The following ANKEF1 variants were observed in gnomAD, a reference collection of about 807,000 sequenced individuals.
ANKEF1 encodes the protein ankyrin repeat and EF-hand domain containing 1.
A neutral mutation model predicts 65.1 loss-of-function variants in ANKEF1; 43 were observed. The observed-to-expected ratio is 0.66, with a 90% CI of 0.52 to 0.85. The LOEUF (loss-of-function observed/expected upper bound fraction) is 0.85, where lower values mean the gene tolerates loss of function less well. Ranked by LOEUF, ANKEF1 falls within the 40% of genes least tolerant of loss-of-function variation. ANKEF1 has a pLI of 0.00. For synonymous variants in ANKEF1, 316 were observed against 341.5 expected (o/e 0.93, Z 0.82); for missense variants, 934 against 952.9 (o/e 0.98, Z 0.26).
chr20:10,044,766 T>A (rs1984411493), intron 5 of ANKEF1, among the ~76,000 whole-genome samples: 1 of 152,208 alleles, frequency 6.6e-6, no homozygotes, highest in South Asian at 2.1e-4. Flanking sequence ...TTTAATATTA[T>A]TCATAGTATT....
At chr20:10,042,591 A>G (rs1984253673) in intron 3 of ANKEF1, among the ~76,000 whole-genome samples, 2 of 152,246 alleles carry the variant, frequency 1.3e-5, no homozygotes, top group South Asian at 4.1e-4. Flanking sequence ...ACGGAACAAA[A>G]TGATTTGCTA....
chr20:10,054,867 G>A (rs1158705411), intron 10 of ANKEF1, among the ~76,000 whole-genome samples: 1 of 152,152 alleles, frequency 6.6e-6, no homozygotes, highest in Non-Finnish European at 1.5e-5. Flanking sequence ...TCAATGGCAT[G>A]ATCTGCAGCT....
At position 10,049,415 on chromosome 20, in the gene ANKEF1, A is replaced by G. The variant is rs1217416170; in HGVS notation, c.846A>G (p.Leu282=). ...QRGCDLKWKN[L]DHKTPRAVAK... ...GATGTGACCTGAAATGGAAGAATTT[A>G]GATCATAAAACGCCCAGGGCTGTGG... is the stretch of plus-strand genomic sequence containing the variant. Residue 282 remains leucine, a synonymous_variant, in exon 7 of 11, where the codon TTA becomes TTG. Coordinates refer to ENST00000378392, the MANE Select transcript of ANKEF1 (RefSeq NM_022096.6). The G allele has an allele frequency of 6.2e-7, 1 of 1,612,024 alleles. No individual in the cohort carries two copies. The highest frequency in any genetic ancestry group is 8.5e-7 in the Non-Finnish European group (1 of 1,179,416).
In ANKEF1 at chr20:10,043,279, G is replaced by A; in HGVS notation, c.504G>A (p.Leu168=). The A allele has an allele frequency of 6.2e-7, 1 of 1,614,110 alleles. No homozygotes were observed. Among genetic ancestry groups the A allele is most frequent in the Non-Finnish European group, 8.5e-7 (1 of 1,180,012 alleles). ...EDAHDVKDVC[L]TFLEKGANPN... is the part of the protein sequence containing the mutation. ...CACATGATGTTAAAGATGTGTGCCTGACATTTTTGGAAAAAGGAGCCAATC... is the reference window on the plus strand; with the variant it reads ...CACATGATGTTAAAGATGTGTGCCTAACATTTTTGGAAAAAGGAGCCAATC... Residue 168 remains leucine, a synonymous_variant, in exon 4 of 11, where the codon CTG becomes CTA. Transcript: ENST00000378392.
chr20:10,038,717 C>G (rs1484028200), intron 3 of ANKEF1, 70 bp downstream of exon 3: 4 of 1,245,642 alleles, frequency 3.2e-6, no homozygotes, highest in Non-Finnish European at 4.4e-6. Flanking sequence ...AACATGGACT[C>G]TTTTTGTTTT....
In ANKEF1 at chr20:10,055,669, A is replaced by G. The variant is rs1169881796; in HGVS notation, c.*9A>G. The stretch of plus-strand genomic sequence containing the variant: ...CTGCCTTGAAGACCTAAGTCATAGC[A>G]GTTATTTCTTGGGGTAAATGCTTTG... On this transcript the variant is annotated 3_prime_UTR_variant, in exon 11 of 11. Coordinates refer to ENST00000378392, the MANE Select transcript of ANKEF1 (RefSeq NM_022096.6). The G allele has an allele frequency of 1.2e-6, 2 of 1,613,520 alleles. No homozygotes were observed. The highest frequency in any genetic ancestry group is 3.3e-5 in the Admixed American group (2 of 59,972).
intron 4 of ANKEF1, 40 bp from the exon 5 acceptor site, chr20:10,044,354 G>T: frequency 6.2e-7 from 1 of 1,604,546 alleles, no homozygotes; most frequent in African/African-American, 1.3e-5. Flanking sequence ...TAATATGATG[G>T]GTATAAACAG....
At chr20:10,051,050 G>C (rs923679615) in intron 7 of ANKEF1, among the ~76,000 whole-genome samples, 10 of 152,096 alleles carry the variant, frequency 6.6e-5, no homozygotes, top group African/African-American at 2.4e-4. Flanking sequence ...TTGTGCCTCA[G>C]TTCTGTCATG....
At chr20:10,036,201 C>A (rs1279069196) in intron 2 of ANKEF1, among the ~76,000 whole-genome samples, 4 of 152,218 alleles carry the variant, frequency 2.6e-5, no homozygotes, top group African/African-American at 9.6e-5. Context: ...CATGGACCTA[C>A]TGAATTCATC....
chr20:10,051,280 A>T (rs1984842315), intron 7 of ANKEF1, among the ~76,000 whole-genome samples: 2 of 152,228 alleles, frequency 1.3e-5, no homozygotes, highest in Admixed American at 1.3e-4. Context: ...TCTAAAAAGG[A>T]CTAAAATGTT....
chr20:10,054,406 A>G (rs1382567064), intron 9 of ANKEF1, 56 bp from the exon 10 acceptor site: 2 of 1,370,452 alleles, frequency 1.5e-6, no homozygotes, highest in Non-Finnish European at 1.9e-6. Flanking sequence ...AGCAAATAAT[A>G]TTAGAAAATC....
intron 2 of ANKEF1, among the ~76,000 whole-genome samples, chr20:10,036,085 G>C (rs567147570): frequency 6.6e-6 from 1 of 152,282 alleles, no homozygotes; most frequent in East Asian, 1.9e-4. Flanking sequence ...GTGAGCTCTT[G>C]GTCAGTCTTA....
At chr20:10,044,324 T>C in intron 4 of ANKEF1, 70 bp from the exon 5 acceptor site, 1 of 1,539,332 alleles carries the variant, frequency 6.5e-7, no homozygotes, top group Non-Finnish European at 8.9e-7. Context: ...TCAGACTGTA[T>C]TTGTACTGAT....
chr20:10,055,429 T>C lies in ANKEF1; in HGVS notation c.2173-73T>C, dbSNP rs560448138. The C allele has an allele frequency of 6.3e-4, 854 of 1,346,444 alleles. 11 individuals are homozygous for C. In the South Asian group the frequency reaches 0.01, roughly 16 times the overall value. The allele number at this position is 1,346,444 out of a possible 1,614,324, so 83.4% of individuals were successfully genotyped here. A position where few individuals can be genotyped will look rare whatever the true frequency, so the allele number is the denominator to read the frequency against. ...TTAAGTTAAAACTGTGTATTGAAAA[T>C]TGTCTGGATATTAGCATATTTACTG... On this transcript the variant is annotated intron_variant, in intron 10 of 10. Coordinates refer to ENST00000378392, the MANE Select transcript of ANKEF1 (RefSeq NM_022096.6).
At chr20:10,040,015 T>G (rs1410632237) in intron 3 of ANKEF1, among the ~76,000 whole-genome samples, 1 of 151,986 alleles carries the variant, frequency 6.6e-6, no homozygotes, top group Non-Finnish European at 1.5e-5. Context: ...TTTTAAAAAA[T>G]CAAGGTAAAA....
At chr20:10,045,143 A>T (rs1984437220) in intron 5 of ANKEF1, among the ~76,000 whole-genome samples, 1 of 152,238 alleles carries the variant, frequency 6.6e-6, no homozygotes, top group African/African-American at 2.4e-5. Context: ...CGTGCAATAA[A>T]AGTATACACA....
Position 10,054,589 on chromosome 20 carries a change from T to C in ANKEF1, c.2162T>C (p.Ile721Thr). The C allele has an allele frequency of 6.2e-7, 1 of 1,607,164 alleles. No individual in the cohort carries two copies. Among genetic ancestry groups the C allele is most frequent in the Non-Finnish European group, 8.5e-7 (1 of 1,177,740 alleles). The change falls in exon 10 of 11, where the codon ATT becomes ACT. Residue 721 changes from isoleucine to threonine, a missense_variant. By Grantham distance (89) the Ile-to-Thr change is moderately conservative. Coordinates refer to ENST00000378392, the MANE Select transcript of ANKEF1 (RefSeq NM_022096.6). Reference protein sequence around the residue: ...GYTKKVDITFIPRRIWSPEAT... With the variant: ...GYTKKVDITFTPRRIWSPEAT... ...ACTAAGAAAGTGGATATCACATTTA[T>C]TCCACGGAGGGTAAGTGCTTCGAAA...
intron 7 of ANKEF1, 130 bp from the exon 8 acceptor site, chr20:10,051,533 A>G: frequency 1.4e-6 from 1 of 691,612 alleles, no homozygotes; most frequent in Non-Finnish European, 2.4e-6. Context: ...AAGAGGTTTG[A>G]AGAAAAATTA....
rs1568519311 is a variant in ANKEF1, at chr20:10,055,766, T to G, written c.*106T>G. 2 of 1,152,236 alleles carry G rather than the reference T, an allele frequency of 1.7e-6. No individual in the cohort carries two copies. The highest frequency in any genetic ancestry group is 2.5e-6 in the Non-Finnish European group (2 of 802,254). The allele number at this position is 1,152,236 out of a possible 1,614,324, so 71.4% of individuals were successfully genotyped here. A position where few individuals can be genotyped will look rare whatever the true frequency, so the allele number is the denominator to read the frequency against. On this transcript the variant is annotated 3_prime_UTR_variant, in exon 11 of 11. Transcript: ENST00000378392. The stretch of plus-strand genomic sequence containing the variant: ...CCAAAGCAATCCATACACCAAGAAC[T>G]TGTTACCAAGAATTTCTTTTTGCTT...
Sources: allele counts gnomAD v4.1 joint callset (sites outside exome capture counted in the v4.1 genomes callset), GRCh38; gene constraint gnomAD v4.1.1; transcripts MANE v1.5; gene names NCBI Gene and HGNC (gene_info 2026-07-23, HGNC 2026-07-21).